NLGN1: variants seen among roughly 807,000 people sequenced by gnomAD.
The protein encoded by NLGN1 is neuroligin 1, also known as neuroligin-1.
NLGN1 carries 12 observed loss-of-function variants against 65.5 expected under a neutral mutation model. The ratio of observed to expected loss-of-function variants is 0.18; its 90% confidence interval spans 0.12 to 0.30. The LOEUF (loss-of-function observed/expected upper bound fraction) is 0.30. Ranked by LOEUF, NLGN1 falls within the 10% of genes least tolerant of loss-of-function variation. The pLI, the probability that NLGN1 is intolerant of heterozygous loss-of-function variation, is 1.00. For missense variants in NLGN1, 750 were observed against 1,007.1 expected (o/e 0.74, Z 3.46); for synonymous variants, 350 against 359.5 (o/e 0.97, Z 0.30).
intron 4 of NLGN1, among the ~76,000 whole-genome samples, chr3:174,145,339 C>A (rs1042291367): frequency 2.0e-5 from 3 of 151,826 alleles, no homozygotes; most frequent in African/African-American, 4.8e-5. Context: ...ATGATGAAAA[C>A]CCTTCTCTAC....
intron 3 of NLGN1, among the ~76,000 whole-genome samples, chr3:173,734,241 A>G (rs2150071715): frequency 6.6e-6 from 1 of 152,070 alleles, no homozygotes; most frequent in African/African-American, 2.4e-5. Context: ...AAGGCCTTAG[A>G]GCCTAATTTA....
At chr3:174,117,607 A>G (rs1404984593) in intron 4 of NLGN1, among the ~76,000 whole-genome samples, 1 of 122,206 alleles carries the variant, frequency 8.2e-6, no homozygotes, top group Non-Finnish European at 1.8e-5. Context: ...GGCAATAGAG[A>G]AAAAAAAAAA....
intron 2 of NLGN1, among the ~76,000 whole-genome samples, chr3:173,499,110 T>C (rs1730552118): frequency 1.3e-5 from 2 of 151,480 alleles, no homozygotes; most frequent in Admixed American, 1.3e-4. Flanking sequence ...TTTGGTGTTT[T>C]AGACATGAAG....
intron 4 of NLGN1, among the ~76,000 whole-genome samples, chr3:174,136,201 T>A (rs2152681252): frequency 6.6e-6 from 1 of 152,230 alleles, no homozygotes; most frequent in African/African-American, 2.4e-5. Flanking sequence ...AATACATATC[T>A]GATATATTGG....
At chr3:173,957,667 C>G (rs1712435274) in intron 4 of NLGN1, among the ~76,000 whole-genome samples, 1 of 152,184 alleles carries the variant, frequency 6.6e-6, no homozygotes, top group Admixed American at 6.5e-5. Context: ...ACGGGTTGGA[C>G]TCTTAAGAGA....
chr3:173,949,674 T>A (rs543808914), intron 4 of NLGN1, among the ~76,000 whole-genome samples: 1 of 152,178 alleles, frequency 6.6e-6, no homozygotes, highest in Non-Finnish European at 1.5e-5. Flanking sequence ...AAAAAGTATC[T>A]GTATAATATT....
At chr3:174,286,752 C>A (rs1331996393), downstream of NLGN1, 1 of 151,544 alleles carries the variant, frequency 6.6e-6, no homozygotes, top group Non-Finnish European at 1.5e-5. Context: ...ATTGCTTCCA[C>A]ACTGCTGACA....
At chr3:174,009,810 C>A (rs890684816) in intron 4 of NLGN1, among the ~76,000 whole-genome samples, 5 of 152,042 alleles carry the variant, frequency 3.3e-5, no homozygotes, top group Admixed American at 2.0e-4. Context: ...ACATGGGAAG[C>A]CTTCCTTGAG....
chr3:173,576,596 A>T (rs1021849564), intron 2 of NLGN1, among the ~76,000 whole-genome samples: 2 of 152,014 alleles, frequency 1.3e-5, no homozygotes, highest in African/African-American at 4.8e-5. Context: ...TTCTGTTATC[A>T]CATCTCTTAC....
chr3:173,668,814 G>C (rs1200728314), intron 3 of NLGN1, among the ~76,000 whole-genome samples: 1 of 151,820 alleles, frequency 6.6e-6, no homozygotes, highest in Admixed American at 6.6e-5. Context: ...AGTAGAGACG[G>C]GGTTTCACCA....
intron 4 of NLGN1, among the ~76,000 whole-genome samples, chr3:174,256,852 C>A (rs1246109926): frequency 1.3e-5 from 2 of 151,970 alleles, no homozygotes; most frequent in Non-Finnish European, 2.9e-5. Context: ...TAGGCACAGG[C>A]AAAGATTTCA....
At chr3:173,443,515 A>G (rs996489222) in intron 2 of NLGN1, among the ~76,000 whole-genome samples, 31 of 151,966 alleles carry the variant, frequency 2.0e-4, no homozygotes, top group African/African-American at 7.2e-4. Context: ...GAATGGAAAA[A>G]GAAGTAAATA....
chr3:173,451,546 C>T (rs1024517127), intron 2 of NLGN1, among the ~76,000 whole-genome samples: 4 of 152,202 alleles, frequency 2.6e-5, no homozygotes, highest in African/African-American at 9.7e-5. Flanking sequence ...GTTCTCAGAT[C>T]TCAAGCTGTG....
At chr3:173,676,849 A>C (rs1763242404) in intron 3 of NLGN1, among the ~76,000 whole-genome samples, 1 of 152,040 alleles carries the variant, frequency 6.6e-6, no homozygotes, top group Non-Finnish European at 1.5e-5. Context: ...ACTGTAGAAC[A>C]ATTCTCCTTA....
Position 174,037,538 on chromosome 3 carries a change from G to A in NLGN1, c.646+229706G>A, listed in dbSNP as rs143426831. On this transcript the variant is annotated intron_variant, in intron 4 of 6. Transcript: ENST00000457714. ...CCCTCAAAGCAAAATGGTTAAGAACGTAAGCTCTGTGGAGCAAGTATATTT... is the reference window on the plus strand; with the variant it reads ...CCCTCAAAGCAAAATGGTTAAGAACATAAGCTCTGTGGAGCAAGTATATTT... 7.9e-5 allele frequency among the ~76,000 whole-genome samples: 12 copies of A among 152,240 alleles called. No homozygotes were observed. The East Asian group carries it at 1.4e-3, about 17-fold the overall frequency.
Position 173,492,955 on chromosome 3 carries a change from G to A in NLGN1, c.-321+57877G>A, listed in dbSNP as rs1729425489. Among the ~76,000 whole-genome samples the A allele has an allele frequency of 1.3e-5, 2 of 151,696 alleles. 1 individual carries two copies. The highest frequency in any genetic ancestry group is 4.1e-4 in the South Asian group (2 of 4,822). On this transcript the variant is annotated intron_variant, in intron 2 of 6. Coordinates refer to ENST00000457714, the Ensembl canonical transcript of NLGN1. ...TAGAAGGAATTTTCTGGATATTCGA[G>A]TCTATCCTCTAGCTCCAGGTCATTG...
chr3:173,508,568 G>A (rs1732415142), intron 2 of NLGN1, among the ~76,000 whole-genome samples: 2 of 152,120 alleles, frequency 1.3e-5, no homozygotes, highest in East Asian at 1.9e-4. Context: ...GTAGAGGTAC[G>A]TGACTCTTCC....
At chr3:173,882,849 C>T (rs1341099206) in intron 4 of NLGN1, among the ~76,000 whole-genome samples, 2 of 152,068 alleles carry the variant, frequency 1.3e-5, no homozygotes, top group African/African-American at 4.8e-5. Context: ...ATCTAACTTT[C>T]ACCCTATCTT....
At chr3:173,709,457 T>A (rs781244316) in intron 3 of NLGN1, among the ~76,000 whole-genome samples, 2 of 152,160 alleles carry the variant, frequency 1.3e-5, no homozygotes, top group Middle Eastern at 3.2e-3. Context: ...TCAAAACTAA[T>A]GATTAATCTT....
Sources: gnomAD v4.1 joint callset for allele counts (sites outside exome capture counted in the v4.1 genomes callset) on GRCh38, gnomAD v4.1.1 for gene constraint, MANE v1.5 for transcripts, NCBI Gene and HGNC (gene_info 2026-07-23, HGNC 2026-07-21) for gene names.